Variants in KIAA1671 observed in about 807,000 individuals in gnomAD.
KIAA1671 encodes uncharacterized protein KIAA1671.
KIAA1671 carries 52 observed loss-of-function variants against 131.2 expected under a neutral mutation model. That is an observed-to-expected ratio of 0.40 (90% CI 0.32 to 0.50). The LOEUF (loss-of-function observed/expected upper bound fraction) is 0.50. Among genes scored for constraint, KIAA1671 ranks in the 20% least tolerant of loss-of-function variants. The pLI, the probability that KIAA1671 is intolerant of heterozygous loss-of-function variation, is 0.73. For missense variants in KIAA1671, 2,360 were observed against 2,364.2 expected (o/e 1.00, Z 0.04); for synonymous variants, 1,003 against 961.6 (o/e 1.04, Z -0.80).
At chr22:25,091,501 T>C (rs1449103652) in intron 6 of KIAA1671, among the ~76,000 whole-genome samples, 1 of 152,220 alleles carries the variant, frequency 6.6e-6, no homozygotes, top group Admixed American at 6.5e-5. Context: ...GTTTACCTTA[T>C]GGGAATCTGG....
In KIAA1671 at chr22:25,029,444, G is replaced by A. The variant is rs1422968008; in HGVS notation, c.1445G>A (p.Arg482Gln). 7.1e-6 allele frequency: 11 copies of A among 1,551,256 alleles called. No homozygotes were observed. The highest frequency in any genetic ancestry group is 8.7e-6 in the Non-Finnish European group (10 of 1,146,828). The part of the protein sequence containing the change: ...PEKGVVSVQE[R>Q]IRGWTAESSE... The stretch of plus-strand genomic sequence containing the variant: ...AAAGGGGTTGTGAGCGTTCAGGAAC[G>A]GATCAGAGGCTGGACTGCCGAGAGC... Residue 482 changes from arginine to glutamine, a missense_variant, in exon 3 of 13, where the codon CGG (arginine) becomes CAG (glutamine). By Grantham distance (43) the Arg-to-Gln change is conservative. Coordinates refer to ENST00000358431, the MANE Select transcript of KIAA1671 (RefSeq NM_001145206.2).
intron 4 of KIAA1671, among the ~76,000 whole-genome samples, chr22:25,037,733 G>A (rs1233263204): frequency 2.0e-5 from 3 of 152,026 alleles, no homozygotes; most frequent in Admixed American, 1.3e-4. Context: ...TTATATATAT[G>A]CTGTATATAA....
intron 6 of KIAA1671, among the ~76,000 whole-genome samples, chr22:25,076,559 A>G (rs975837039): frequency 6.6e-6 from 1 of 152,144 alleles, no homozygotes; most frequent in Admixed American, 6.5e-5. Flanking sequence ...GGGCATGGGG[A>G]GAGAGATTAA....
chr22:25,183,248 C>T (rs1934352200), intron 10 of KIAA1671, among the ~76,000 whole-genome samples: 2 of 152,212 alleles, frequency 1.3e-5, no homozygotes, highest in African/African-American at 4.8e-5. Context: ...CATGTGGGAG[C>T]GCCGTGACTC....
At chr22:25,091,794 C>T (rs1930040994) in intron 6 of KIAA1671, among the ~76,000 whole-genome samples, 1 of 152,082 alleles carries the variant, frequency 6.6e-6, no homozygotes, top group African/African-American at 2.4e-5. Context: ...GCTGCTGAGC[C>T]CCCGCTGACT....
chr22:25,006,293 A>G (rs1471227796), intron 1 of KIAA1671, among the ~76,000 whole-genome samples: 2 of 152,070 alleles, frequency 1.3e-5, no homozygotes, highest in Non-Finnish European at 2.9e-5. Context: ...TCGGCTCCCA[A>G]GGTGTTGGGA....
chr22:25,122,947 C>G (rs1932013524), intron 6 of KIAA1671, among the ~76,000 whole-genome samples: 1 of 151,942 alleles, frequency 6.6e-6, no homozygotes, highest in Admixed American at 6.5e-5. Context: ...TGCACACCAG[C>G]CGGGGCGACA....
chr22:25,180,787 G>C lies in KIAA1671; in HGVS notation c.5075-912G>C, dbSNP rs191217616. Reference sequence around the variant, plus strand: ...TCTCTCCCACTCCTATCCCATTTCTGTTATTAAAGGAAATGTTTAAGTGCC... The same window carrying C: ...TCTCTCCCACTCCTATCCCATTTCTCTTATTAAAGGAAATGTTTAAGTGCC... On this transcript the variant is annotated intron_variant, in intron 9 of 12. Transcript: ENST00000358431. Among the ~76,000 whole-genome samples, 1,098 of 152,304 alleles carry C rather than the reference G, an allele frequency of 7.2e-3. 11 individuals are homozygous for C. The highest frequency in any genetic ancestry group is 0.014 in the Middle Eastern group (4 of 294).
chr22:25,184,639 C>T (rs1934409067), intron 10 of KIAA1671, among the ~76,000 whole-genome samples: 1 of 152,194 alleles, frequency 6.6e-6, no homozygotes, highest in Non-Finnish European at 1.5e-5. Flanking sequence ...CGGAGCTAAG[C>T]TGCAGCTGTT....
intron 6 of KIAA1671, among the ~76,000 whole-genome samples, chr22:25,140,810 T>C (rs997091704): frequency 6.6e-6 from 1 of 152,222 alleles, no homozygotes; most frequent in Non-Finnish European, 1.5e-5. Flanking sequence ...AGGCGTGGTA[T>C]GAGAAATTGT....
At chr22:25,157,613 A>C (rs1933287327) in intron 6 of KIAA1671, among the ~76,000 whole-genome samples, 1 of 152,166 alleles carries the variant, frequency 6.6e-6, no homozygotes, top group Non-Finnish European at 1.5e-5. Context: ...TTCTGAGTTA[A>C]AAAGAACATC....
At chr22:25,087,351 G>A (rs900221991) in intron 6 of KIAA1671, among the ~76,000 whole-genome samples, 8 of 152,170 alleles carry the variant, frequency 5.3e-5, no homozygotes, top group Non-Finnish European at 1.2e-4. Flanking sequence ...TCGGGAGGCC[G>A]AGGTGGTGGA....
At chr22:24,993,905 C>T (rs898727160) in intron 1 of KIAA1671, among the ~76,000 whole-genome samples, 1 of 151,986 alleles carries the variant, frequency 6.6e-6, no homozygotes, top group Non-Finnish European at 1.5e-5. Context: ...ATGGTGAAAC[C>T]CTGTCTCTGC....
rs1208778954 is a variant in KIAA1671 at position 24,965,757 on chromosome 22, AAAAAG to A, written c.-208+12991_-208+12995del. Among the ~76,000 whole-genome samples, 3 of 151,074 alleles carry A rather than the reference AAAAAG, an allele frequency of 2.0e-5. 1 individual carries two copies. The highest frequency in any genetic ancestry group is 4.1e-4 in the South Asian group (2 of 4,824). ...CTCCATCTCAAAAAAAAAAAAAAAA[AAAAAG>A]AAAAGGATGAGCTTAAGGTTTTAAA... On this transcript the variant is annotated intron_variant, in intron 1 of 12. Coordinates refer to ENST00000358431, the MANE Select transcript of KIAA1671 (RefSeq NM_001145206.2).
In KIAA1671 at chr22:25,093,740, C is replaced by CTT. The variant is rs1568951008; in HGVS notation, c.4530+44377_4530+44378insTT. ...ACACACACACACACACACACACACT[C>CTT]TCTCTCTCTCTCTCTCTCTCTCTCT... On this transcript the variant is annotated intron_variant, in intron 6 of 12. Coordinates refer to ENST00000358431, the MANE Select transcript of KIAA1671 (RefSeq NM_001145206.2). Among the ~76,000 whole-genome samples the CTT allele has an allele frequency of 2.9e-3, 299 of 101,456 alleles. 3 individuals carry two copies. The highest frequency in any genetic ancestry group is 4.1e-3 in the Non-Finnish European group (203 of 50,114). 66.6% of individuals were successfully genotyped at this position (101,456 alleles called of 152,430 possible).
At chr22:24,980,412 C>A (rs2123828458) in intron 1 of KIAA1671, among the ~76,000 whole-genome samples, 1 of 151,788 alleles carries the variant, frequency 6.6e-6, no homozygotes, top group Admixed American at 6.6e-5. Context: ...GCTGGGATTA[C>A]AGGCACCCGC....
In KIAA1671 at chr22:25,039,180, T is replaced by C. The variant is rs1288614339; in HGVS notation, c.2050T>C (p.Leu684=). ...GTTTGACAATCCCGAGACGGAGAAA[T>C]TGGGACCAACCACCCTTTTGAATGG... ...RGFDNPETEK[L]GPTTLLNGEL... Residue 684 remains leucine, a synonymous_variant, in exon 5 of 13, where the codon TTG becomes CTG. Transcript: ENST00000358431. The C allele has an allele frequency of 4.5e-6, 7 of 1,551,728 alleles. No individual in the cohort carries two copies. In the Admixed American group the frequency reaches 5.9e-5, roughly 13 times the overall value.
chr22:25,139,076 C>T (rs1209313212), intron 6 of KIAA1671, among the ~76,000 whole-genome samples: 1 of 152,260 alleles, frequency 6.6e-6, no homozygotes, highest in African/African-American at 2.4e-5. Flanking sequence ...GGAACAATTA[C>T]TATGGCTTTT....
chr22:25,078,917 A>C (rs146438606), intron 6 of KIAA1671, among the ~76,000 whole-genome samples: 1 of 152,136 alleles, frequency 6.6e-6, no homozygotes, highest in Admixed American at 6.5e-5. Flanking sequence ...CCTGGCTTCT[A>C]TTCCCTACTG....
Sources: gnomAD v4.1 joint callset for allele counts (sites outside exome capture counted in the v4.1 genomes callset) on GRCh38, gnomAD v4.1.1 for gene constraint, MANE v1.5 for transcripts, NCBI Gene and HGNC (gene_info 2026-07-23, HGNC 2026-07-21) for gene names.